Variants in STX1B observed in about 807,000 individuals in gnomAD.
STX1B encodes syntaxin 1B.
In STX1B, 7 loss-of-function variants were observed where a neutral mutation model predicts 39.4. The ratio of observed to expected loss-of-function variants is 0.18; its 90% CI spans 0.10 to 0.33. The LOEUF (loss-of-function observed/expected upper bound fraction) is 0.33, where lower values mean the gene tolerates loss of function less well. Ranked by LOEUF, STX1B falls within the 10% of genes least tolerant of loss-of-function variation. The pLI, the probability that STX1B is intolerant of heterozygous loss-of-function variation, is 1.00. For synonymous variants in STX1B, 136 were observed against 144.1 expected (o/e 0.94, Z 0.40); for missense variants, 198 against 383.2 (o/e 0.52, Z 4.04).
At chr16:30,997,800 C>T (rs2056603927) in intron 4 of STX1B, among the ~76,000 whole-genome samples, 1 of 152,190 alleles carries the variant, frequency 6.6e-6, no homozygotes, top group Non-Finnish European at 1.5e-5. Flanking sequence ...GGAAGGGATA[C>T]TGAGGGTCAG....
rs959155695 is a variant in STX1B at position 30,992,649 on chromosome 16, G to A, written c.*172C>T. ...CGATCTACGTGCGGGGACGGGGGGGGGGTCCATGGCCCGGTGAGGTCCAGG... is the reference window on the plus strand; with the variant it reads ...CGATCTACGTGCGGGGACGGGGGGGAGGTCCATGGCCCGGTGAGGTCCAGG... On this transcript the variant is annotated 3_prime_UTR_variant, in exon 10 of 10. Transcript: ENST00000215095. 2.7e-5 allele frequency: 13 copies of A among 489,404 alleles called. No individual in the cohort carries two copies. The highest frequency in any genetic ancestry group is 5.2e-4 in the Middle Eastern group (1 of 1,920). 30.3% of individuals were successfully genotyped at this position (489,404 alleles called of 1,614,324 possible). A position where few individuals can be genotyped will look rare whatever the true frequency, so the allele number is the denominator to read the frequency against.
chr16:30,997,178 C>T, intron 5 of STX1B, 119 bp from the exon 6 acceptor site: 4 of 713,598 alleles, frequency 5.6e-6, no homozygotes, highest in East Asian at 5.3e-5. Context: ...AAGGAGGAAG[C>T]GCTGAATTAG....
intron 1 of STX1B, among the ~76,000 whole-genome samples, chr16:31,007,270 G>A (rs567824550): frequency 1.3e-5 from 2 of 152,064 alleles, no homozygotes; most frequent in Non-Finnish European, 2.9e-5. Flanking sequence ...TTTGGGGCAC[G>A]GGGCGGTCCC....
rs1243206263 is a variant in STX1B at position 30,989,810 on chromosome 16, T to C, written c.*3011A>G. 1 of 152,254 alleles carries C rather than the reference T, an allele frequency of 6.6e-6. No homozygotes were observed. Among genetic ancestry groups the C allele is most frequent in the East Asian group, 1.9e-4 (1 of 5,146 alleles). 9.4% of individuals were successfully genotyped at this position (152,254 alleles called of 1,614,324 possible). A position where few individuals can be genotyped will look rare whatever the true frequency, so the allele number is the denominator to read the frequency against. On this transcript the variant is annotated 3_prime_UTR_variant, in exon 10 of 10. Transcript: ENST00000215095. Reference sequence around the variant, plus strand: ...GGGTACATGGGATGGACACGCAGTGTGCTTCATGAGGGGTGGGAACAGGGA... The same window carrying C: ...GGGTACATGGGATGGACACGCAGTGCGCTTCATGAGGGGTGGGAACAGGGA...
chr16:31,007,788 T>A (rs1366623524), intron 1 of STX1B, among the ~76,000 whole-genome samples: 1 of 152,200 alleles, frequency 6.6e-6, no homozygotes. Flanking sequence ...CACACAGCAC[T>A]GCTGGGCGCC....
In STX1B at chr16:31,010,408, T is replaced by C. The variant is rs2143691570; in HGVS notation, c.-12A>G. 1.5e-6 allele frequency: 2 copies of C among 1,363,836 alleles called. No individual in the cohort carries two copies. Among genetic ancestry groups the C allele is most frequent in the Non-Finnish European group, 1.9e-6 (2 of 1,026,382 alleles). The allele number at this position is 1,363,836 out of a possible 1,614,324, so 84.5% of individuals were successfully genotyped here. A position where few individuals can be genotyped will look rare whatever the true frequency, so the allele number is the denominator to read the frequency against. ...GTCCGATCCTTCATCCTGCGACGGCTCCTCCTCCTCCTCCTAGTCCTCCTG... is the reference window on the plus strand; with the variant it reads ...GTCCGATCCTTCATCCTGCGACGGCCCCTCCTCCTCCTCCTAGTCCTCCTG... On this transcript the variant is annotated 5_prime_UTR_variant, in exon 1 of 10. Coordinates refer to ENST00000215095, the MANE Select transcript of STX1B (RefSeq NM_052874.5).
chr16:30,997,721 C>T (rs993165034), intron 4 of STX1B, 146 bp from the exon 5 acceptor site: 7 of 734,532 alleles, frequency 9.5e-6, no homozygotes, highest in African/African-American at 5.4e-5. Flanking sequence ...CAGCGGTGCC[C>T]CAGGGTGGTG....
intron 1 of STX1B, among the ~76,000 whole-genome samples, chr16:31,004,625 G>A (rs1360544488): frequency 2.0e-5 from 3 of 151,608 alleles, no homozygotes; most frequent in South Asian, 4.2e-4. Flanking sequence ...GCAGTGAGCT[G>A]TGATTGTGCC....
rs371878308 is a variant in STX1B at position 30,992,948 on chromosome 16, A to G, written c.787-47T>C. 3.3e-6 allele frequency: 5 copies of G among 1,519,054 alleles called. No individual in the cohort carries two copies. In the African/African-American group the frequency reaches 5.5e-5, roughly 17 times the overall value. The allele number at this position is 1,519,054 out of a possible 1,614,324, so 94.1% of individuals were successfully genotyped here. A position where few individuals can be genotyped will look rare whatever the true frequency, so the allele number is the denominator to read the frequency against. Reference sequence around the variant, plus strand: ...GACAGGCAGACAGTGAGAGAGATCGACACACGGACAGATGCAGGGACAGAC... The same window carrying G: ...GACAGGCAGACAGTGAGAGAGATCGGCACACGGACAGATGCAGGGACAGAC... On this transcript the variant is annotated intron_variant, in intron 9 of 9. Transcript: ENST00000215095.
At position 31,001,417 on chromosome 16, in the gene STX1B, T is replaced by A. The variant is rs2056628374; in HGVS notation, c.105+112A>T. ...GGGCGGTGGGACTAGGGGCTGGGGC[T>A]GGGTGCTGGGGCTGGGGCTGGGTGC... On this transcript the variant is annotated intron_variant, in intron 2 of 9. Coordinates refer to ENST00000215095, the MANE Select transcript of STX1B (RefSeq NM_052874.5). This position sits in a 1 kb window ranked among gnomAD's most constrained non-coding sequence, Gnocchi z 5.5. 1.8e-6 allele frequency: 1 copy of A among 553,056 alleles called. No homozygotes were observed. Among genetic ancestry groups the A allele is most frequent in the African/African-American group, 3.8e-5 (1 of 26,376 alleles). 34.3% of individuals were successfully genotyped at this position (553,056 alleles called of 1,614,324 possible).
chr16:30,992,775 C>G lies in STX1B; in HGVS notation c.*46G>C. 1 of 1,128,426 alleles carries G rather than the reference C, an allele frequency of 8.9e-7. No individual in the cohort carries two copies. Among genetic ancestry groups the G allele is most frequent in the Non-Finnish European group, 1.2e-6 (1 of 810,818 alleles). 69.9% of individuals were successfully genotyped at this position (1,128,426 alleles called of 1,614,324 possible). ...AAAGGGGTGGTGGGGGTATTGCTCC[C>G]GATGTGGTGGGGGAAGGGTCTGGGA... On this transcript the variant is annotated 3_prime_UTR_variant, in exon 10 of 10. Transcript: ENST00000215095.
chr16:31,000,332 G>GTTTTTTT (rs55729102), intron 4 of STX1B, among the ~76,000 whole-genome samples: 1 of 123,384 alleles, frequency 8.1e-6, no homozygotes. Context: ...TTTGTTTTTT[G>GTTTTTTT]TTTTTTTTTT....
intron 1 of STX1B, among the ~76,000 whole-genome samples, chr16:31,009,186 C>G (rs2056668680): frequency 6.6e-6 from 1 of 152,146 alleles, no homozygotes. Context: ...TCTTCACCCC[C>G]AGTGCTGAAA....
At chr16:31,010,345 T>C (rs1567381886) in intron 1 of STX1B, 22 bp downstream of exon 1, 30 of 368,248 alleles carry the variant, frequency 8.1e-5, no homozygotes, top group South Asian at 4.1e-4. Flanking sequence ...CGCCCCCCCA[T>C]TCTCCCCACC....
At position 30,993,114 on chromosome 16, in the gene STX1B, C is replaced by T. The variant is rs764141145; in HGVS notation, c.786+16G>A. 12 of 1,612,496 alleles carry T rather than the reference C, an allele frequency of 7.4e-6. No individual in the cohort carries two copies. In the East Asian group the frequency reaches 8.9e-5, roughly 12 times the overall value. ...TGGGCTCCCCCGCCTACCCCCAGGC[C>T]GCCTGCCCCGCTCACCCTCCGGGCC... is the stretch of plus-strand genomic sequence containing the variant. On this transcript the variant is annotated intron_variant, in intron 9 of 9. Coordinates refer to ENST00000215095, the MANE Select transcript of STX1B (RefSeq NM_052874.5).
chr16:31,008,115 C>G (rs1434416577), intron 1 of STX1B, among the ~76,000 whole-genome samples: 1 of 151,946 alleles, frequency 6.6e-6, no homozygotes, highest in African/African-American at 2.4e-5. Context: ...CCCAGTGTCT[C>G]AGAGACCCCG....
chr16:30,997,120 C>A, intron 5 of STX1B, 61 bp from the exon 6 acceptor site: 1 of 1,211,192 alleles, frequency 8.3e-7, no homozygotes, highest in Non-Finnish European at 1.2e-6. Flanking sequence ...GGGAGGGAGT[C>A]AGGGAGCAGA....
chr16:30,995,146 AC>A (rs1190888472), intron 7 of STX1B, among the ~76,000 whole-genome samples: 4 of 152,022 alleles, frequency 2.6e-5, no homozygotes, highest in African/African-American at 9.7e-5. Flanking sequence ...AATCAAAAAA[AC>A]ATTTTTTTTG....
Position 30,997,574 on chromosome 16 carries a change from C to T in STX1B, c.282G>A (p.Ala94=), listed in dbSNP as rs200196812. 2.6e-5 allele frequency: 41 copies of T among 1,607,668 alleles called. No homozygotes were observed. Among genetic ancestry groups the T allele is most frequent in the Non-Finnish European group, 3.1e-5 (37 of 1,177,816 alleles). Residue 94 remains alanine, a splice_region_variant and synonymous_variant, in exon 5 of 10, where the codon GCG becomes GCA. Coordinates refer to ENST00000215095, the MANE Select transcript of STX1B (RefSeq NM_052874.5). ...TANKVRSKLK[A]IEQSIEQEEG... ...CCTCCTGTTCAATGCTTTGCTCGAT[C>T]GCTGCGGGAGAGAGGGCGCAGCGAT...
Sources: allele counts gnomAD v4.1 joint callset (sites outside exome capture counted in the v4.1 genomes callset), GRCh38; gene constraint gnomAD v4.1.1; non-coding constraint Gnocchi (gnomAD v3.1); transcripts MANE v1.5; gene names NCBI Gene and HGNC (gene_info 2026-07-23, HGNC 2026-07-21).